Variants in STEAP1B observed in about 807,000 individuals in gnomAD.
The protein encoded by STEAP1B is STEAP family protein MGC87042.
A neutral mutation model predicts 27.9 loss-of-function variants in STEAP1B; 13 were observed. The observed-to-expected ratio is 0.47, with a 90% CI of 0.30 to 0.74. The LOEUF (loss-of-function observed/expected upper bound fraction) is 0.74. STEAP1B is among the 30% of genes least tolerant of loss of function. The pLI is 0.06. For synonymous variants in STEAP1B, 86 were observed against 107.1 expected, an observed-to-expected ratio of 0.80 and a Z score of 1.22; for missense variants, 250 against 298.7, an observed-to-expected ratio of 0.84 and a Z score of 1.20.
At chr7:22,455,046 G>A (rs1266610305) in intron 4 of STEAP1B, among the ~76,000 whole-genome samples, 1 of 151,654 alleles carries the variant, frequency 6.6e-6, no homozygotes, top group Non-Finnish European at 1.5e-5. Context: ...TGTATTTTTA[G>A]TAGAGATGAG....
chr7:22,443,608 A>ACATAACT (rs1785366008), intron 4 of STEAP1B, among the ~76,000 whole-genome samples: 1 of 152,226 alleles, frequency 6.6e-6, no homozygotes, highest in African/African-American at 2.4e-5. Context: ...ATTACAAGAA[A>ACATAACT]CATAACTTCC....
intron 4 of STEAP1B, among the ~76,000 whole-genome samples, chr7:22,487,466 T>C (rs578080300): frequency 6.6e-6 from 1 of 151,036 alleles, no homozygotes; most frequent in African/African-American, 2.4e-5. Flanking sequence ...GAGTATTTGT[T>C]TGAAAAAAAA....
At position 22,478,677 on chromosome 7, in the gene STEAP1B, CT is replaced by C. The variant is rs1323423943; in HGVS notation, c.762+13887del. On this transcript the variant is annotated intron_variant, in intron 4 of 4. Transcript: ENST00000678116. ...TGAATTTATACATATAAAAATCTTA[CT>C]TGGGGGGGGCTTGGACAGAGTCATC... 9.9e-5 allele frequency among the ~76,000 whole-genome samples: 15 copies of C among 152,272 alleles called. 1 individual carries two copies. The Middle Eastern group carries it at 0.014, about 138-fold the overall frequency.
At position 22,419,739 on chromosome 7, in the gene STEAP1B, G is replaced by A. The variant is rs1005246044; in HGVS notation, c.*65C>T. ...AAGGGCACTGGGTGGTGTTCTGCATGAGCAATCCAATGCTGTGCTCCAAAG... is the reference window on the plus strand; with the variant it reads ...AAGGGCACTGGGTGGTGTTCTGCATAAGCAATCCAATGCTGTGCTCCAAAG... On this transcript the variant is annotated 3_prime_UTR_variant, in exon 5 of 5. Coordinates refer to ENST00000678116, the MANE Select transcript of STEAP1B (RefSeq NM_001382447.1). 6.6e-7 allele frequency: 1 copy of A among 1,522,488 alleles called. No homozygotes were observed. The highest frequency in any genetic ancestry group is 2.1e-5 in the Admixed American group (1 of 48,374). 94.3% of individuals were successfully genotyped at this position (1,522,488 alleles called of 1,614,324 possible).
At chr7:22,455,142 C>T (rs773621160) in intron 4 of STEAP1B, among the ~76,000 whole-genome samples, 2 of 152,056 alleles carry the variant, frequency 1.3e-5, no homozygotes, top group East Asian at 1.9e-4. Context: ...GGATTACAGG[C>T]GTGAGCCACC....
chr7:22,476,390 A>G (rs1409285094), intron 4 of STEAP1B, among the ~76,000 whole-genome samples: 1 of 152,148 alleles, frequency 6.6e-6, no homozygotes, highest in Non-Finnish European at 1.5e-5. Context: ...CTGGACAAGA[A>G]CCATGTAGCC....
At chr7:22,453,765 A>G (rs1358025823) in intron 4 of STEAP1B, among the ~76,000 whole-genome samples, 1 of 152,248 alleles carries the variant, frequency 6.6e-6, no homozygotes, top group Admixed American at 6.5e-5. Context: ...TAGAGTTGTT[A>G]TATCTCTTCT....
intron 4 of STEAP1B, chr7:22,438,483 G>A: frequency 6.5e-7 from 1 of 1,547,286 alleles, no homozygotes; most frequent in South Asian, 1.2e-5. Flanking sequence ...TCACTTTCAT[G>A]CATGCTTAAA....
intron 4 of STEAP1B, among the ~76,000 whole-genome samples, chr7:22,482,979 G>C (rs1316281993): frequency 4.0e-5 from 6 of 151,280 alleles, no homozygotes; most frequent in Admixed American, 3.9e-4. Context: ...CTTGTCCATT[G>C]ACTGCCAGAT....
intron 4 of STEAP1B, among the ~76,000 whole-genome samples, chr7:22,427,781 A>G (rs1785127517): frequency 6.6e-6 from 1 of 152,222 alleles, no homozygotes; most frequent in Admixed American, 6.5e-5. Flanking sequence ...CTAATGTTCA[A>G]TCTTTGAAAA....
chr7:22,450,806 T>C (rs915891169), intron 4 of STEAP1B, among the ~76,000 whole-genome samples: 3 of 152,176 alleles, frequency 2.0e-5, no homozygotes, highest in African/African-American at 7.2e-5. Context: ...TATTTTGGGG[T>C]GTCCTCCTCA....
At chr7:22,441,456 T>C (rs1226748376) in intron 4 of STEAP1B, among the ~76,000 whole-genome samples, 1 of 152,162 alleles carries the variant, frequency 6.6e-6, no homozygotes, top group Non-Finnish European at 1.5e-5. Context: ...GATGAGAAAA[T>C]TGAGATGGGG....
rs1358245507 is a variant in STEAP1B, at chr7:22,477,193, G to T, written c.762+15372C>A. Among the ~76,000 whole-genome samples the T allele has an allele frequency of 2.0e-5, 3 of 152,290 alleles. No homozygotes were observed. The East Asian group carries it at 5.8e-4, about 29-fold the overall frequency. On this transcript the variant is annotated intron_variant, in intron 4 of 4. Coordinates refer to ENST00000678116, the MANE Select transcript of STEAP1B (RefSeq NM_001382447.1). ...GAACTCAAGGGAAGGAGATTCACAA[G>T]GGGGTGACCCATTGGGTCACATTAT...
intron 4 of STEAP1B, among the ~76,000 whole-genome samples, chr7:22,433,212 A>T (rs1337563264): frequency 6.6e-6 from 1 of 152,204 alleles, no homozygotes; most frequent in Non-Finnish European, 1.5e-5. Context: ...CCCAAAAGAC[A>T]GAGAACCTGG....
intron 4 of STEAP1B, 173 bp downstream of exon 4, chr7:22,492,392 T>C (rs1256603963): frequency 1.5e-6 from 1 of 669,266 alleles, no homozygotes; most frequent in Non-Finnish European, 2.0e-6. Flanking sequence ...ACACTTGTCC[T>C]AATTAGAAGC....
At chr7:22,487,326 C>T (rs755650803) in intron 4 of STEAP1B, among the ~76,000 whole-genome samples, 3 of 152,154 alleles carry the variant, frequency 2.0e-5, no homozygotes, top group Non-Finnish European at 2.9e-5. Context: ...AAGATGAGGA[C>T]ATGATCTCTG....
chr7:22,492,060 G>T (rs909958615), intron 4 of STEAP1B, among the ~76,000 whole-genome samples: 3 of 151,960 alleles, frequency 2.0e-5, no homozygotes, highest in Non-Finnish European at 4.4e-5. Context: ...GGTGGCTCAC[G>T]TCTGTAATCC....
intron 1 of STEAP1B, among the ~76,000 whole-genome samples, chr7:22,497,192 T>G (rs1445566081): frequency 6.6e-6 from 1 of 152,238 alleles, no homozygotes; most frequent in Non-Finnish European, 1.5e-5. Flanking sequence ...CAGAACCTAC[T>G]TCAAGCATGG....
intron 4 of STEAP1B, among the ~76,000 whole-genome samples, chr7:22,480,916 A>G (rs539119865): frequency 2.0e-5 from 3 of 152,300 alleles, no homozygotes; most frequent in African/African-American, 4.8e-5. Flanking sequence ...TGGGACCACA[A>G]TGAGTCTTTC....
Sources: allele counts gnomAD v4.1 joint callset (sites outside exome capture counted in the v4.1 genomes callset), GRCh38; gene constraint gnomAD v4.1.1; transcripts MANE v1.5; gene names NCBI Gene and HGNC (gene_info 2026-07-23, HGNC 2026-07-21).